SLC6A6: variants seen among roughly 807,000 people sequenced by gnomAD.
SLC6A6 encodes sodium- and chloride-dependent taurine transporter.
In SLC6A6, 16 loss-of-function variants were observed where a neutral mutation model predicts 68.8. The observed-to-expected ratio is 0.23, with a 90% CI of 0.16 to 0.35. The LOEUF (loss-of-function observed/expected upper bound fraction) is 0.35. Among genes scored for constraint, SLC6A6 ranks in the 10% least tolerant of loss-of-function variants. SLC6A6 has a pLI of 1.00. For missense variants in SLC6A6, 474 were observed against 802.8 expected (o/e 0.59, Z 4.95); for synonymous variants, 312 against 315.4 (o/e 0.99, Z 0.12).
At chr3:14,465,129 CTG>C (rs575830971) in intron 6 of SLC6A6, among the ~76,000 whole-genome samples, 5 of 152,214 alleles carry the variant, frequency 3.3e-5, no homozygotes, top group Non-Finnish European at 7.3e-5. Context: ...TAGGATCGAA[CTG>C]TCCATTCAGC....
chr3:14,478,614 G>C, intron 12 of SLC6A6, 46 bp downstream of exon 12: 1 of 1,200,898 alleles, frequency 8.3e-7, no homozygotes, highest in Non-Finnish European at 1.2e-6. Flanking sequence ...TCTCCTTTGG[G>C]CTTCTCTACT....
rs559044320 is a variant in SLC6A6 at position 14,426,807 on chromosome 3, G to A, written c.-12+10354G>A. ...CTGGCCCTGCCCTAGAGCTTCCTGC[G>A]GTCTTGGTGAGGAAGAAGAAACTTC... On this transcript the variant is annotated intron_variant, in intron 2 of 14. Transcript: ENST00000622186. Among the ~76,000 whole-genome samples the A allele has an allele frequency of 2.0e-5, 3 of 152,120 alleles. No individual in the cohort carries two copies. In the East Asian group the frequency reaches 5.8e-4, roughly 30 times the overall value.
intron 7 of SLC6A6, among the ~76,000 whole-genome samples, chr3:14,467,509 G>T (rs1031303816): frequency 2.0e-5 from 3 of 152,210 alleles, no homozygotes; most frequent in African/African-American, 7.2e-5. Context: ...ATGGGGTAGG[G>T]CAAAGGAGCC....
At chr3:14,407,618 C>T (rs1009143296) in intron 1 of SLC6A6, among the ~76,000 whole-genome samples, 3 of 152,038 alleles carry the variant, frequency 2.0e-5, no homozygotes, top group Non-Finnish European at 4.4e-5. Flanking sequence ...GATCCTCCCA[C>T]CTCACTTCCC....
In SLC6A6 at chr3:14,402,804, C is replaced by G. The variant is rs1699014109; in HGVS notation, c.-97C>G. 7.5e-6 allele frequency: 3 copies of G among 397,784 alleles called. No individual in the cohort carries two copies. The highest frequency in any genetic ancestry group is 6.2e-5 in the African/African-American group (3 of 48,594). The allele number at this position is 397,784 out of a possible 1,614,324, so 24.6% of individuals were successfully genotyped here. A position where few individuals can be genotyped will look rare whatever the true frequency, so the allele number is the denominator to read the frequency against. ...CAGGCAGCCCCCGGCCGGCGGAACC[C>G]GGCACAGCCGAGCAGAGCGCGGGCG... On this transcript the variant is annotated 5_prime_UTR_variant, in exon 1 of 15. Coordinates refer to ENST00000622186, the MANE Select transcript of SLC6A6 (RefSeq NM_003043.6). This position sits in a 1 kb window ranked among gnomAD's most constrained non-coding sequence, Gnocchi z 4.8.
intron 6 of SLC6A6, among the ~76,000 whole-genome samples, chr3:14,466,262 AT>A (rs1181621383): frequency 5.8e-5 from 8 of 137,874 alleles, no homozygotes; most frequent in Non-Finnish European, 9.3e-5. Context: ...TCCGTCTCAA[AT>A]TTAAAAAAAA....
At chr3:14,478,131 C>T (rs1003894838) in intron 11 of SLC6A6, among the ~76,000 whole-genome samples, 89 of 152,124 alleles carry the variant, frequency 5.9e-4, no homozygotes, top group Middle Eastern at 3.4e-3. Flanking sequence ...TTGTAAGAAC[C>T]CCCACCCCAG....
At chr3:14,431,159 CTG>C (rs759265338) in intron 2 of SLC6A6, among the ~76,000 whole-genome samples, 33 of 152,234 alleles carry the variant, frequency 2.2e-4, no homozygotes, top group Non-Finnish European at 3.7e-4. Flanking sequence ...TGATGGGAAA[CTG>C]TGCTCAGATG....
At chr3:14,475,426 G>T (rs1700854409) in intron 10 of SLC6A6, among the ~76,000 whole-genome samples, 1 of 152,180 alleles carries the variant, frequency 6.6e-6, no homozygotes, top group African/African-American at 2.4e-5. Context: ...GCTGACATGG[G>T]TTAACAGTTA....
At chr3:14,424,337 T>G in intron 2 of SLC6A6, among the ~76,000 whole-genome samples, 1 of 147,704 alleles carries the variant, frequency 6.8e-6, no homozygotes, top group African/African-American at 2.5e-5. Context: ...CTCTTGAAGG[T>G]GCTTTGGGCA....
intron 1 of SLC6A6, among the ~76,000 whole-genome samples, chr3:14,412,932 C>A (rs1174393969): frequency 1.3e-5 from 2 of 152,242 alleles, no homozygotes; most frequent in African/African-American, 4.8e-5. Context: ...GGCATTCGTG[C>A]TGGGCCAGCG....
intron 2 of SLC6A6, among the ~76,000 whole-genome samples, chr3:14,425,711 CGG>C (rs1699580164): frequency 2.3e-5 from 1 of 43,800 alleles, no homozygotes; most frequent in African/African-American, 9.3e-5. Context: ...GTGGGGGACT[CGG>C]GGCAGGGAGG....
chr3:14,415,689 C>T (rs1228190515), intron 1 of SLC6A6, among the ~76,000 whole-genome samples: 1 of 152,144 alleles, frequency 6.6e-6, no homozygotes, highest in Non-Finnish European at 1.5e-5. Flanking sequence ...CCAAACTGAG[C>T]TTCTACTGAA....
At chr3:14,405,541 G>T (rs746215347) in intron 1 of SLC6A6, among the ~76,000 whole-genome samples, 3 of 152,246 alleles carry the variant, frequency 2.0e-5, no homozygotes, top group Non-Finnish European at 2.9e-5. Context: ...GGGAATTGGG[G>T]TTGGCCTGAA....
At chr3:14,405,640 C>T (rs1016771258) in intron 1 of SLC6A6, among the ~76,000 whole-genome samples, 27 of 152,226 alleles carry the variant, frequency 1.8e-4, no homozygotes, top group African/African-American at 6.5e-4. Flanking sequence ...GGCTGCATCT[C>T]ATTTTCCTGT....
intron 2 of SLC6A6, among the ~76,000 whole-genome samples, chr3:14,429,436 G>C (rs1699673318): frequency 6.6e-6 from 1 of 152,250 alleles, no homozygotes; most frequent in Non-Finnish European, 1.5e-5. Context: ...GAGGCTGGCA[G>C]AAGTGAAACT....
chr3:14,409,051 G>A (rs1267162472), intron 1 of SLC6A6, among the ~76,000 whole-genome samples: 3 of 152,180 alleles, frequency 2.0e-5, no homozygotes, highest in African/African-American at 4.8e-5. Context: ...CTGGTGATCT[G>A]CCCGCCTCGG....
chr3:14,437,257 CT>C (rs992441424), intron 2 of SLC6A6, among the ~76,000 whole-genome samples: 4 of 151,886 alleles, frequency 2.6e-5, no homozygotes, highest in African/African-American at 9.7e-5. Context: ...TTAAAAGTAA[CT>C]TTTTTTGTTT....
At chr3:14,473,203 TTTGACAGGGTCTTG>T in intron 10 of SLC6A6, among the ~76,000 whole-genome samples, 1 of 152,340 alleles carries the variant, frequency 6.6e-6, no homozygotes, top group Admixed American at 6.5e-5. Context: ...TAGGTGTATT[TTTGACAGGGTCTTG>T]TTGAAACAAC....
Sources: allele counts gnomAD v4.1 joint callset (sites outside exome capture counted in the v4.1 genomes callset), GRCh38; gene constraint gnomAD v4.1.1; non-coding constraint Gnocchi (gnomAD v3.1); transcripts MANE v1.5; gene names NCBI Gene and HGNC (gene_info 2026-07-23, HGNC 2026-07-21).